KIAA0825: variants seen among roughly 807,000 people sequenced by gnomAD.
The protein encoded by KIAA0825 is uncharacterized protein KIAA0825.
A neutral mutation model predicts 147.6 loss-of-function variants in KIAA0825; 119 were observed. The ratio of observed to expected loss-of-function variants is 0.81; its 90% CI spans 0.69 to 0.94. The LOEUF (loss-of-function observed/expected upper bound fraction) is 0.94, where lower values mean the gene tolerates loss of function less well. Ranked by LOEUF, KIAA0825 falls within the 40% of genes least tolerant of loss-of-function variation. The pLI, the probability that KIAA0825 is intolerant of heterozygous loss-of-function variation, is 0.00. For synonymous variants in KIAA0825, 470 were observed against 518.1 expected (o/e 0.91, Z 1.26); for missense variants, 1,381 against 1,472.7 (o/e 0.94, Z 1.02).
chr5:94,315,005 G>C (rs534382519), intron 20 of KIAA0825, among the ~76,000 whole-genome samples: 48 of 151,630 alleles, frequency 3.2e-4, no homozygotes, highest in Middle Eastern at 6.8e-3. Context: ...CAGACAAATA[G>C]GACTGTTGCC....
intron 11 of KIAA0825, among the ~76,000 whole-genome samples, chr5:94,464,505 A>G (rs1239525477): frequency 2.0e-5 from 3 of 152,198 alleles, no homozygotes; most frequent in Non-Finnish European, 4.4e-5. Context: ...CTCAAATCAA[A>G]TGTGTCAAAT....
chr5:94,355,715 G>A (rs555039745), intron 20 of KIAA0825, among the ~76,000 whole-genome samples: 9 of 152,100 alleles, frequency 5.9e-5, no homozygotes, highest in Non-Finnish European at 1.2e-4. Context: ...TGTATTTAAG[G>A]TTCACTTAGT....
intron 20 of KIAA0825, among the ~76,000 whole-genome samples, chr5:94,184,654 C>A (rs910635260): frequency 5.3e-5 from 8 of 152,082 alleles, no homozygotes; most frequent in Non-Finnish European, 7.4e-5. Flanking sequence ...GTGCTATTAT[C>A]ATGTAAATTA....
At chr5:94,586,501 AT>A (rs1344502164) in intron 1 of KIAA0825, among the ~76,000 whole-genome samples, 1 of 152,236 alleles carries the variant, frequency 6.6e-6, no homozygotes, top group Non-Finnish European at 1.5e-5. Flanking sequence ...AAGAAGCTGA[AT>A]CTCTGAATAG....
chr5:94,253,289 C>CTTTT (rs1291065981), intron 20 of KIAA0825, among the ~76,000 whole-genome samples: 1 of 152,004 alleles, frequency 6.6e-6, no homozygotes, highest in African/African-American at 2.4e-5. Flanking sequence ...GTATAAACTG[C>CTTTT]TTCTGTTTTC....
At chr5:94,451,682 G>T (rs1450044229) in intron 13 of KIAA0825, among the ~76,000 whole-genome samples, 1 of 152,196 alleles carries the variant, frequency 6.6e-6, no homozygotes. Context: ...CTGATTTCCA[G>T]GACTCTAGCT....
rs544303960 is a variant in KIAA0825 at position 94,215,262 on chromosome 5, G to C, written c.3711-61138C>G. ...TAAAGGAAAGCAGAAGCTAATGAAA[G>C]TAGTAAAAATAAAAGATGGACCAAG... On this transcript the variant is annotated intron_variant, in intron 20 of 20. Coordinates refer to ENST00000682413, the MANE Select transcript of KIAA0825 (RefSeq NM_001145678.3). 2.0e-5 allele frequency among the ~76,000 whole-genome samples: 3 copies of C among 152,284 alleles called. No individual in the cohort carries two copies. The East Asian group carries it at 5.8e-4, about 29-fold the overall frequency.
intron 5 of KIAA0825, among the ~76,000 whole-genome samples, chr5:94,500,240 G>A (rs1399234967): frequency 1.3e-5 from 2 of 152,130 alleles, no homozygotes; most frequent in Non-Finnish European, 2.9e-5. Context: ...AAATAGGGGA[G>A]TAAAGTGTAC....
chr5:94,358,662 C>G (rs1744649170), intron 20 of KIAA0825, among the ~76,000 whole-genome samples: 1 of 152,058 alleles, frequency 6.6e-6, no homozygotes, highest in Non-Finnish European at 1.5e-5. Context: ...AGCAAAGAAA[C>G]AAAAGTTTCC....
intron 5 of KIAA0825, among the ~76,000 whole-genome samples, chr5:94,489,830 G>A (rs1425188500): frequency 6.7e-6 from 1 of 148,922 alleles, no homozygotes; most frequent in South Asian, 2.1e-4. Context: ...AGGTTGCAGT[G>A]AGCCGAGATC....
At chr5:94,260,669 A>G (rs905506457) in intron 20 of KIAA0825, among the ~76,000 whole-genome samples, 1 of 152,086 alleles carries the variant, frequency 6.6e-6, no homozygotes, top group Non-Finnish European at 1.5e-5. Flanking sequence ...GCTTATTGTA[A>G]TTTTTCTTCT....
At chr5:94,443,431 A>C (rs1757355381) in intron 13 of KIAA0825, among the ~76,000 whole-genome samples, 1 of 151,956 alleles carries the variant, frequency 6.6e-6, no homozygotes, top group South Asian at 2.1e-4. Flanking sequence ...CGTAATACAA[A>C]GGGGGAAAAT....
chr5:94,608,654 T>G (rs912041395), intron 1 of KIAA0825, among the ~76,000 whole-genome samples: 2 of 146,594 alleles, frequency 1.4e-5, no homozygotes, highest in Admixed American at 7.2e-5. Context: ...ATTAATACTT[T>G]GATTAACCTT....
intron 15 of KIAA0825, among the ~76,000 whole-genome samples, chr5:94,405,565 G>A (rs1294940949): frequency 6.6e-6 from 1 of 152,134 alleles, no homozygotes; most frequent in Non-Finnish European, 1.5e-5. Context: ...AAATACATTA[G>A]CATACTTTCC....
At chr5:94,425,235 T>C (rs1255232533) in intron 14 of KIAA0825, among the ~76,000 whole-genome samples, 1 of 152,044 alleles carries the variant, frequency 6.6e-6, no homozygotes, top group Non-Finnish European at 1.5e-5. Flanking sequence ...AAATTGTCAA[T>C]AAAATGCTAG....
intron 12 of KIAA0825, among the ~76,000 whole-genome samples, chr5:94,455,054 A>G (rs1758921202): frequency 6.6e-6 from 1 of 152,164 alleles, no homozygotes; most frequent in Admixed American, 6.5e-5. Context: ...TCCGAAGTAC[A>G]TCCAAGGCAT....
intron 16 of KIAA0825, among the ~76,000 whole-genome samples, chr5:94,400,266 T>C (rs1430501016): frequency 1.3e-5 from 2 of 152,036 alleles, no homozygotes; most frequent in Non-Finnish European, 2.9e-5. Flanking sequence ...CATTCAAGAG[T>C]CACTGAAACT....
Position 94,171,761 on chromosome 5 carries a change from T to C in KIAA0825, c.3711-17637A>G, listed in dbSNP as rs188356822. Among the ~76,000 whole-genome samples the C allele has an allele frequency of 2.6e-5, 4 of 152,312 alleles. No homozygotes were observed. In the East Asian group the frequency reaches 7.7e-4, roughly 29 times the overall value. On this transcript the variant is annotated intron_variant, in intron 20 of 20. Transcript: ENST00000682413. The stretch of plus-strand genomic sequence containing the variant: ...ATTGTTTGCCATTATTGTAATTCTC[T>C]TCTTTCTGGACTCTTTCCTGTTCCC...
intron 15 of KIAA0825, among the ~76,000 whole-genome samples, chr5:94,411,942 G>A (rs778862979): frequency 4.7e-4 from 58 of 124,658 alleles, no homozygotes; most frequent in Admixed American, 3.0e-4. Flanking sequence ...GTGAGACTTC[G>A]TCTCAAAAAA....
Sources: allele counts gnomAD v4.1 joint callset (sites outside exome capture counted in the v4.1 genomes callset), GRCh38; gene constraint gnomAD v4.1.1; transcripts MANE v1.5; gene names NCBI Gene and HGNC (gene_info 2026-07-23, HGNC 2026-07-21).